ARHGEF38: variants seen among roughly 807,000 people sequenced by gnomAD.
ARHGEF38 encodes the protein Rho guanine nucleotide exchange factor 38, also known as Rho guanine nucleotide exchange factor (GEF) 38.
Under a neutral mutation model 79.9 loss-of-function variants are expected in ARHGEF38, and 79 were observed. The ratio of observed to expected loss-of-function variants is 0.99; its 90% CI spans 0.82 to 1.19. The LOEUF (loss-of-function observed/expected upper bound fraction) is 1.19. Ranked by LOEUF, ARHGEF38 falls within the 50% of genes most tolerant of loss-of-function variation. ARHGEF38 has a pLI of 0.00. For synonymous variants in ARHGEF38, 366 were observed against 328.3 expected (o/e 1.11, Z -1.24); for missense variants, 962 against 907.2 (o/e 1.06, Z -0.78).
chr4:105,602,656 G>A (rs1727873690), intron 2 of ARHGEF38, among the ~76,000 whole-genome samples: 1 of 152,076 alleles, frequency 6.6e-6, no homozygotes, highest in Non-Finnish European at 1.5e-5. Flanking sequence ...ACAGCTAATA[G>A]ATGATGCACC....
intron 3 of ARHGEF38, among the ~76,000 whole-genome samples, chr4:105,623,743 G>A (rs1006274809): frequency 2.6e-5 from 4 of 152,180 alleles, no homozygotes; most frequent in African/African-American, 9.7e-5. Context: ...AACAGTAAGA[G>A]CTGATTTGCC....
chr4:105,628,672 A>AAAAC (rs1037216904), intron 3 of ARHGEF38, among the ~76,000 whole-genome samples: 1 of 152,202 alleles, frequency 6.6e-6, no homozygotes, highest in South Asian at 2.1e-4. Flanking sequence ...AAGCACTACT[A>AAAAC]AAACAAACAA....
At chr4:105,674,814 G>C (rs986505030) in intron 13 of ARHGEF38, among the ~76,000 whole-genome samples, 2 of 151,956 alleles carry the variant, frequency 1.3e-5, no homozygotes, top group African/African-American at 4.8e-5. Flanking sequence ...AACAGATCTA[G>C]ATGGAAGAGT....
chr4:105,565,317 A>G (rs1190846888), intron 1 of ARHGEF38, among the ~76,000 whole-genome samples: 1 of 152,110 alleles, frequency 6.6e-6, no homozygotes, highest in Non-Finnish European at 1.5e-5. Flanking sequence ...TTTTCAACCT[A>G]TTTCACAGAA....
At chr4:105,572,553 A>G (rs1206170328) in intron 1 of ARHGEF38, among the ~76,000 whole-genome samples, 1 of 151,938 alleles carries the variant, frequency 6.6e-6, no homozygotes, top group African/African-American at 2.4e-5. Context: ...CTTCCCCCCA[A>G]TCCTCAGCCC....
chr4:105,610,180 G>C (rs991101203), intron 2 of ARHGEF38, among the ~76,000 whole-genome samples: 1 of 152,000 alleles, frequency 6.6e-6, no homozygotes, highest in African/African-American at 2.4e-5. Flanking sequence ...ACACAGAGAG[G>C]GGAACAACAC....
At chr4:105,581,888 G>A (rs111358322) in intron 1 of ARHGEF38, among the ~76,000 whole-genome samples, 18 of 152,030 alleles carry the variant, frequency 1.2e-4, no homozygotes, top group East Asian at 3.9e-4. Context: ...TCCTATGGCC[G>A]GGTGTGGTGG....
intron 2 of ARHGEF38, among the ~76,000 whole-genome samples, chr4:105,609,686 C>T (rs1376727533): frequency 6.6e-6 from 1 of 152,082 alleles, no homozygotes; most frequent in Non-Finnish European, 1.5e-5. Context: ...GGAGGCATCA[C>T]ATTACCTGAT....
chr4:105,677,763 A>G lies in ARHGEF38; in HGVS notation c.2160A>G (p.Ala720=). ...FQEVDEQIFY[A]VHAFQARSDH... is the part of the protein sequence containing the mutation. ...GTTTCTTTGTCTAGATTTTCTATGC[A>G]GTTCATGCTTTTCAAGCACGGAGTG... The change falls in exon 14 of 14, where the codon GCA becomes GCG. Residue 720 remains alanine, a synonymous_variant. Coordinates refer to ENST00000420470, the MANE Select transcript of ARHGEF38 (RefSeq NM_001242729.2). 6.8e-7 allele frequency: 1 copy of G among 1,469,310 alleles called. No individual in the cohort carries two copies. Among genetic ancestry groups the G allele is most frequent in the Non-Finnish European group, 9.0e-7 (1 of 1,105,634 alleles). 91.0% of individuals were successfully genotyped at this position (1,469,310 alleles called of 1,614,324 possible).
At chr4:105,612,150 A>T (rs530143975) in intron 2 of ARHGEF38, among the ~76,000 whole-genome samples, 2 of 152,246 alleles carry the variant, frequency 1.3e-5, no homozygotes, top group South Asian at 4.1e-4. Context: ...ATGGGATCAA[A>T]AGATGAGCAG....
rs372261854 is a variant in ARHGEF38, at chr4:105,613,428, C to T, written c.429C>T (p.Ser143=). The T allele has an allele frequency of 2.0e-5, 33 of 1,613,284 alleles. No individual in the cohort carries two copies. The African/African-American group carries it at 2.7e-4, about 13-fold the overall frequency. ...DVDSLFSNIE[S]VHQISAKLLS... Reference sequence around the variant, plus strand: ...ATAGCTTGTTTAGCAACATTGAGTCCGTGCATCAGATATCAGCCAAGCTGC... The same window carrying T: ...ATAGCTTGTTTAGCAACATTGAGTCTGTGCATCAGATATCAGCCAAGCTGC... The change falls in exon 3 of 14, where the codon TCC becomes TCT. Residue 143 remains serine, a synonymous_variant. Coordinates refer to ENST00000420470, the MANE Select transcript of ARHGEF38 (RefSeq NM_001242729.2).
chr4:105,553,374 T>C (rs1201869008), intron 1 of ARHGEF38, among the ~76,000 whole-genome samples: 1 of 152,102 alleles, frequency 6.6e-6, no homozygotes, highest in African/African-American at 2.4e-5. Flanking sequence ...TATATCTAGG[T>C]AATGGTACTG....
intron 1 of ARHGEF38, among the ~76,000 whole-genome samples, chr4:105,561,423 T>TA (rs1560684276): frequency 1.2e-4 from 6 of 51,084 alleles, no homozygotes; most frequent in African/African-American, 2.8e-4. Context: ...TAGAATAGAA[T>TA]GGAATAGAAT....
chr4:105,646,608 A>G (rs1163093873), intron 6 of ARHGEF38, among the ~76,000 whole-genome samples: 5 of 152,320 alleles, frequency 3.3e-5, no homozygotes, highest in Non-Finnish European at 7.4e-5. Flanking sequence ...GAGACTCAGA[A>G]AATGAATTTC....
At chr4:105,632,335 A>G (rs1729230575) in intron 4 of ARHGEF38, among the ~76,000 whole-genome samples, 1 of 152,220 alleles carries the variant, frequency 6.6e-6, no homozygotes, top group South Asian at 2.1e-4. Flanking sequence ...GGGGCTAAGT[A>G]TACAAAAGTA....
chr4:105,638,260 A>G (rs1729480608), intron 5 of ARHGEF38, among the ~76,000 whole-genome samples: 2 of 152,118 alleles, frequency 1.3e-5, no homozygotes, highest in Non-Finnish European at 2.9e-5. Flanking sequence ...TACAAAGTGA[A>G]AGATATTTGT....
intron 1 of ARHGEF38, among the ~76,000 whole-genome samples, chr4:105,570,904 C>T (rs1375011903): frequency 6.6e-6 from 1 of 152,126 alleles, no homozygotes; most frequent in African/African-American, 2.4e-5. Context: ...ATTCCGCTAA[C>T]TGAAATAAGC....
At chr4:105,616,406 A>G (rs1288702671) in intron 3 of ARHGEF38, among the ~76,000 whole-genome samples, 1 of 152,162 alleles carries the variant, frequency 6.6e-6, no homozygotes, top group Non-Finnish European at 1.5e-5. Context: ...ACTTACAATC[A>G]TGGCAGAAGA....
intron 8 of ARHGEF38, 33 bp from the exon 9 acceptor site, chr4:105,655,570 T>C (rs771420727): frequency 5.9e-6 from 9 of 1,532,732 alleles, no homozygotes. Flanking sequence ...CCTCAAAACT[T>C]GCCTTTTTTG....
Sources: allele counts gnomAD v4.1 joint callset (sites outside exome capture counted in the v4.1 genomes callset), GRCh38; gene constraint gnomAD v4.1.1; transcripts MANE v1.5; gene names NCBI Gene and HGNC (gene_info 2026-07-23, HGNC 2026-07-21).